The following CSF2RB variants were observed in gnomAD, a reference collection of about 807,000 sequenced individuals.
CSF2RB encodes cytokine receptor common subunit beta.
In CSF2RB, 22 loss-of-function variants were observed where a neutral mutation model predicts 67.2. That is an observed-to-expected ratio of 0.33 (90% CI 0.23 to 0.47). The LOEUF (loss-of-function observed/expected upper bound fraction) is 0.47. Ranked by LOEUF, CSF2RB falls within the 20% of genes least tolerant of loss-of-function variation. The pLI, the probability that CSF2RB is intolerant of heterozygous loss-of-function variation, is 1.00. For missense variants in CSF2RB, 1,113 were observed against 1,174.5 expected (o/e 0.95, Z 0.76); for synonymous variants, 507 against 482.9 (o/e 1.05, Z -0.65).
intron 1 of CSF2RB, among the ~76,000 whole-genome samples, chr22:36,917,922 C>CA (rs76759877): frequency 0.046 from 6,634 of 144,402 alleles, 484 homozygotes; most frequent in African/African-American, 0.15. Context: ...GATTCTGTCT[C>CA]AAAAAAAAAA....
intron 4 of CSF2RB, among the ~76,000 whole-genome samples, chr22:36,927,107 T>C (rs1259341334): frequency 1.3e-5 from 2 of 152,198 alleles, no homozygotes; most frequent in Admixed American, 6.5e-5. Flanking sequence ...CCGAACCACC[T>C]GGTGCTCTTT....
At chr22:36,924,267 A>G (rs1218974812) in intron 3 of CSF2RB, among the ~76,000 whole-genome samples, 3 of 108,096 alleles carry the variant, frequency 2.8e-5, no homozygotes, top group Non-Finnish European at 5.7e-5. Flanking sequence ...CCACACTCAC[A>G]CTCCCCACCC....
chr22:36,930,912 C>T, intron 8 of CSF2RB, 82 bp downstream of exon 8: 3 of 1,514,040 alleles, frequency 2.0e-6, no homozygotes, highest in East Asian at 2.3e-5. Flanking sequence ...TTCAGGGTTC[C>T]TCCTGGCCCC....
intron 1 of CSF2RB, among the ~76,000 whole-genome samples, chr22:36,921,650 C>T (rs1168388894): frequency 2.6e-5 from 4 of 151,936 alleles, no homozygotes; most frequent in South Asian, 2.1e-4. Flanking sequence ...GGGGGGATGA[C>T]GGTAAAAGGA....
chr22:36,919,747 C>T (rs1344926391), intron 1 of CSF2RB, among the ~76,000 whole-genome samples: 1 of 152,092 alleles, frequency 6.6e-6, no homozygotes, highest in East Asian at 1.9e-4. Context: ...GATCTCATAT[C>T]TTCAAATTCC....
rs904520984 is a variant in CSF2RB, at chr22:36,932,161, G to A, written c.1013-604G>A. Among the ~76,000 whole-genome samples the A allele has an allele frequency of 3.9e-5, 6 of 152,324 alleles. No individual in the cohort carries two copies. The South Asian group carries it at 8.3e-4, about 21-fold the overall frequency. ...TGGCTAAAACATAGTCAGGCTGGGC[G>A]CGGTGGCTCACGCCTGTAATCCCAG... On this transcript the variant is annotated intron_variant, in intron 8 of 13. Transcript: ENST00000403662.
chr22:36,936,798 C>T, intron 13 of CSF2RB, 146 bp downstream of exon 13: 1 of 650,828 alleles, frequency 1.5e-6, no homozygotes, highest in Non-Finnish European at 2.6e-6. Context: ...GCAGGAGGCA[C>T]CTGGGGGGGA....
At chr22:36,919,016 T>G (rs1940788343) in intron 1 of CSF2RB, among the ~76,000 whole-genome samples, 1 of 152,232 alleles carries the variant, frequency 6.6e-6, no homozygotes, top group Non-Finnish European at 1.5e-5. Context: ...GCAGCCTTTT[T>G]TGGAAGACAT....
At chr22:36,928,898 C>A (rs1417567654) in intron 4 of CSF2RB, among the ~76,000 whole-genome samples, 1 of 152,124 alleles carries the variant, frequency 6.6e-6, no homozygotes, top group African/African-American at 2.4e-5. Context: ...TTCCACTGAG[C>A]TATGGTGAAA....
chr22:36,940,003 C>A lies in CSF2RB; in HGVS notation c.*1501C>A, dbSNP rs1201526615. 1 of 152,152 alleles carries A rather than the reference C, an allele frequency of 6.6e-6. No individual in the cohort carries two copies. The highest frequency in any genetic ancestry group is 1.5e-5 in the Non-Finnish European group (1 of 68,020). The allele number at this position is 152,152 out of a possible 1,614,324, so 9.4% of individuals were successfully genotyped here. On this transcript the variant is annotated 3_prime_UTR_variant, in exon 14 of 14. Coordinates refer to ENST00000403662, the MANE Select transcript of CSF2RB (RefSeq NM_000395.3). ...AATGTGTGGATGTGAGACTGAGGTG[C>A]CTTTTGGTACTGAAATTCTTTTTCC...
intron 6 of CSF2RB, 94 bp from the exon 7 acceptor site, chr22:36,930,281 A>G (rs1236991090): frequency 1.1e-5 from 18 of 1,578,694 alleles, no homozygotes; most frequent in Non-Finnish European, 1.5e-5. Flanking sequence ...CCCAGAGCTC[A>G]TGACCTCTGT....
In CSF2RB at chr22:36,930,813, T is replaced by C. The variant is rs750845271; in HGVS notation, c.995T>C (p.Ile332Thr). ...CAGCCAAGGAGGGCAGAGAAACACA[T>C]AAAGAGCTCAGTGAACAGTGAGTTT... is the stretch of plus-strand genomic sequence containing the variant. Reference protein sequence around the residue: ...SVQPRRAEKHIKSSVNIQMAP... With the variant: ...SVQPRRAEKHTKSSVNIQMAP... The change falls in exon 8 of 14, where the codon ATA becomes ACA. Residue 332 changes from isoleucine to threonine, a missense_variant. Physicochemically the swap from Ile to Thr is moderately conservative, Grantham distance 89 (BLOSUM62 -1). This residue lies in a region of CSF2RB where 559 missense variants were observed against 656.5 expected (regional missense o/e 0.85). Transcript: ENST00000403662. 5.6e-6 allele frequency: 9 copies of C among 1,614,044 alleles called. No individual in the cohort carries two copies. Among genetic ancestry groups the C allele is most frequent in the Non-Finnish European group, 7.6e-6 (9 of 1,179,996 alleles).
intron 3 of CSF2RB, among the ~76,000 whole-genome samples, chr22:36,924,557 T>C (rs73405882): frequency 0.043 from 6,485 of 152,196 alleles, 378 homozygotes; most frequent in African/African-American, 0.13. Context: ...CAGCATTCCC[T>C]AAAGAGTTGT....
chr22:36,915,644 A>G (rs1418553680), intron 1 of CSF2RB, among the ~76,000 whole-genome samples: 1 of 152,152 alleles, frequency 6.6e-6, no homozygotes, highest in Non-Finnish European at 1.5e-5. Context: ...TCTGTAGCCT[A>G]AATTACTAAA....
At chr22:36,921,155 G>A (rs1940856456) in intron 1 of CSF2RB, among the ~76,000 whole-genome samples, 1 of 151,482 alleles carries the variant, frequency 6.6e-6, no homozygotes, top group African/African-American at 2.4e-5. Flanking sequence ...GTGAATGTGT[G>A]TGCATGTTTG....
intron 1 of CSF2RB, among the ~76,000 whole-genome samples, chr22:36,919,612 C>T (rs370415647): frequency 1.6e-3 from 244 of 151,376 alleles, no homozygotes; most frequent in African/African-American, 5.7e-3. Context: ...GGTTCTACCA[C>T]GTTGGCCAGG....
In CSF2RB at chr22:36,932,790, C is replaced by T. The variant is rs536184819; in HGVS notation, c.1038C>T (p.Asn346=). 39 of 1,613,930 alleles carry T rather than the reference C, an allele frequency of 2.4e-5. No individual in the cohort carries two copies. In the East Asian group the frequency reaches 2.9e-4, roughly 12 times the overall value. The change falls in exon 9 of 14, where the codon AAC becomes AAT. Residue 346 remains asparagine (N), a synonymous_variant. Transcript: ENST00000403662. ...VNIQMAPPSL[N]VTKDGDSYSL... is the part of the protein sequence containing the mutation. ...TCCAGATGGCCCCTCCATCCCTCAA[C>T]GTGACCAAGGATGGAGACAGCTACA... is the stretch of plus-strand genomic sequence containing the variant.
chr22:36,919,905 A>G lies in CSF2RB; in HGVS notation c.-172-2131A>G, dbSNP rs138625821. Reference sequence around the variant, plus strand: ...CTGTAGAAGTGTCTGCTGGGTTAGCATATGTCAGAATAGATGTGCGCTGTT... The same window carrying G: ...CTGTAGAAGTGTCTGCTGGGTTAGCGTATGTCAGAATAGATGTGCGCTGTT... On this transcript the variant is annotated intron_variant, in intron 1 of 13. Transcript: ENST00000403662. 3.7e-3 allele frequency among the ~76,000 whole-genome samples: 556 copies of G among 152,284 alleles called. 2 individuals carry two copies. Among genetic ancestry groups the G allele is most frequent in the Non-Finnish European group, 6.2e-3 (420 of 68,024 alleles).
At chr22:36,930,932 T>C in intron 8 of CSF2RB, 102 bp downstream of exon 8, 4 of 1,413,394 alleles carry the variant, frequency 2.8e-6, no homozygotes, top group South Asian at 2.4e-5. Context: ...CGTCTTCATG[T>C]TTGTCACTTT....
Sources: allele counts gnomAD v4.1 joint callset (sites outside exome capture counted in the v4.1 genomes callset), GRCh38; gene constraint gnomAD v4.1.1; regional missense constraint gnomAD v4.1.1; transcripts MANE v1.5; gene names NCBI Gene and HGNC (gene_info 2026-07-23, HGNC 2026-07-21).